TLL1: variants seen among roughly 807,000 people sequenced by gnomAD.
TLL1 encodes the protein tolloid like 1.
Under a neutral mutation model 128.2 loss-of-function variants are expected in TLL1, and 49 were observed. The ratio of observed to expected loss-of-function variants is 0.38; its 90% CI spans 0.30 to 0.48. TLL1 has a LOEUF of 0.48. Among genes scored for constraint, TLL1 ranks in the 20% least tolerant of loss-of-function variants. TLL1 has a pLI of 0.96. For synonymous variants in TLL1, 454 were observed against 418.8 expected (o/e 1.08, Z -1.03); for missense variants, 1,123 against 1,242.0 (o/e 0.90, Z 1.44).
chr4:166,015,613 T>C (rs1430777663), intron 8 of TLL1, among the ~76,000 whole-genome samples: 3 of 152,170 alleles, frequency 2.0e-5, no homozygotes, highest in Non-Finnish European at 4.4e-5. Context: ...TAATATGTAC[T>C]CGTTGACATA....
chr4:165,947,280 C>A (rs1734298288), intron 1 of TLL1, among the ~76,000 whole-genome samples: 1 of 152,030 alleles, frequency 6.6e-6, no homozygotes, highest in East Asian at 1.9e-4. Flanking sequence ...AGACCCCATC[C>A]TTAAGACTTC....
chr4:165,915,242 T>C (rs1245854904), intron 1 of TLL1, among the ~76,000 whole-genome samples: 1 of 152,136 alleles, frequency 6.6e-6, no homozygotes, highest in Admixed American at 6.5e-5. Context: ...TAAATACTAA[T>C]AGCTCAAACT....
intron 12 of TLL1, among the ~76,000 whole-genome samples, chr4:166,052,134 T>G (rs1412064580): frequency 6.6e-6 from 1 of 152,114 alleles, no homozygotes; most frequent in Non-Finnish European, 1.5e-5. Flanking sequence ...AATCTGAAAT[T>G]TTGAGTTTCA....
At chr4:166,046,804 C>A (rs1739477794) in intron 12 of TLL1, among the ~76,000 whole-genome samples, 1 of 152,184 alleles carries the variant, frequency 6.6e-6, no homozygotes, top group Non-Finnish European at 1.5e-5. Flanking sequence ...TGACTAGAAT[C>A]TCACAGGAAC....
intron 1 of TLL1, among the ~76,000 whole-genome samples, chr4:165,887,290 G>A (rs906088216): frequency 6.6e-6 from 1 of 152,156 alleles, no homozygotes; most frequent in African/African-American, 2.4e-5. Flanking sequence ...GGCTTGTTAG[G>A]TTATAGTAGA....
intron 1 of TLL1, among the ~76,000 whole-genome samples, chr4:165,881,756 G>A (rs1730977198): frequency 6.6e-6 from 1 of 152,214 alleles, no homozygotes; most frequent in Admixed American, 6.5e-5. Flanking sequence ...GGTGAATAGT[G>A]TAGGGGAGAC....
At chr4:166,052,912 G>A (rs916001800) in intron 12 of TLL1, among the ~76,000 whole-genome samples, 28 of 138,738 alleles carry the variant, frequency 2.0e-4, no homozygotes, top group African/African-American at 6.7e-4. Context: ...CATATTTATA[G>A]AGAACCCTGA....
chr4:165,939,534 C>G (rs748866689), intron 1 of TLL1, among the ~76,000 whole-genome samples: 4 of 151,878 alleles, frequency 2.6e-5, no homozygotes, highest in Non-Finnish European at 5.9e-5. Context: ...TCAAATGACC[C>G]ACTGTTTTTC....
chr4:165,907,152 C>T (rs1732297824), intron 1 of TLL1, among the ~76,000 whole-genome samples: 1 of 152,140 alleles, frequency 6.6e-6, no homozygotes, highest in Non-Finnish European at 1.5e-5. Context: ...TGTTTGTCCT[C>T]ATGAAGATTA....
At chr4:165,877,637 T>C (rs76335079) in intron 1 of TLL1, among the ~76,000 whole-genome samples, 3,351 of 152,268 alleles carry the variant, frequency 0.022, 112 homozygotes, top group African/African-American at 0.075. Context: ...CTGCCAAATA[T>C]GTGTACAGAT....
At chr4:165,957,674 C>G (rs1172196535) in intron 1 of TLL1, among the ~76,000 whole-genome samples, 1 of 151,370 alleles carries the variant, frequency 6.6e-6, no homozygotes, top group African/African-American at 2.4e-5. Context: ...CTCTTCCACC[C>G]AAGTACCCTA....
chr4:166,059,961 T>C, intron 14 of TLL1, 67 bp from the exon 15 acceptor site: 1 of 1,583,304 alleles, frequency 6.3e-7, no homozygotes, highest in Non-Finnish European at 8.6e-7. Context: ...TATTAATTAA[T>C]GGACAGGTGC....
chr4:165,980,711 A>G (rs988242744), intron 1 of TLL1, among the ~76,000 whole-genome samples: 1 of 152,072 alleles, frequency 6.6e-6, no homozygotes, highest in African/African-American at 2.4e-5. Flanking sequence ...TGGTAAATAG[A>G]AGGCAAAATA....
chr4:165,890,328 A>G (rs1044748260), intron 1 of TLL1, among the ~76,000 whole-genome samples: 5 of 152,148 alleles, frequency 3.3e-5, no homozygotes, highest in African/African-American at 1.2e-4. Flanking sequence ...AAACACAATC[A>G]TGCTTTCCTA....
rs77453773 is a variant in TLL1 at position 165,960,441 on chromosome 4, G to C, written c.170-28940G>C. 5.2e-3 allele frequency among the ~76,000 whole-genome samples: 792 copies of C among 152,150 alleles called. 12 individuals are homozygous for C. Among genetic ancestry groups the C allele is most frequent in the African/African-American group, 0.018 (737 of 41,544 alleles). On this transcript the variant is annotated intron_variant, in intron 1 of 20. Transcript: ENST00000061240. ...ACTATTCCAAAAGTGAAGGAGGAGG[G>C]ACTCCTCCCTAACTCATTCTAGGAA...
chr4:166,017,083 G>A (rs921867614), intron 8 of TLL1, among the ~76,000 whole-genome samples: 5 of 151,868 alleles, frequency 3.3e-5, no homozygotes, highest in Admixed American at 1.3e-4. Context: ...AACCCTTGCC[G>A]CCTCCCACTC....
intron 1 of TLL1, among the ~76,000 whole-genome samples, chr4:165,983,524 C>T (rs77934808): frequency 1.5e-4 from 23 of 151,740 alleles, no homozygotes; most frequent in African/African-American, 3.9e-4. Context: ...CATATTCTGG[C>T]GGAAGAGTCC....
At chr4:165,929,374 T>C (rs1297259205) in intron 1 of TLL1, among the ~76,000 whole-genome samples, 1 of 152,068 alleles carries the variant, frequency 6.6e-6, no homozygotes, top group Non-Finnish European at 1.5e-5. Flanking sequence ...TCGTCTTTAC[T>C]GAAAATACAA....
chr4:165,966,219 A>C (rs2110969283), intron 1 of TLL1, among the ~76,000 whole-genome samples: 1 of 151,680 alleles, frequency 6.6e-6, no homozygotes, highest in Non-Finnish European at 1.5e-5. Flanking sequence ...GACAGGGAGC[A>C]CTAGCAAACC....
Sources: gnomAD v4.1 joint callset for allele counts (sites outside exome capture counted in the v4.1 genomes callset) on GRCh38, gnomAD v4.1.1 for gene constraint, MANE v1.5 for transcripts, NCBI Gene and HGNC (gene_info 2026-07-23, HGNC 2026-07-21) for gene names.